Variants in FBLN5 observed in about 807,000 individuals in gnomAD.
The protein encoded by FBLN5 is fibulin 5, also known as fibulin-5.
A neutral mutation model predicts 61.6 loss-of-function variants in FBLN5; 24 were observed. That is an observed-to-expected ratio of 0.39 (90% CI 0.28 to 0.55). The LOEUF (loss-of-function observed/expected upper bound fraction) is 0.55. Ranked by LOEUF, FBLN5 falls within the 20% of genes least tolerant of loss-of-function variation. The pLI, the probability that FBLN5 is intolerant of heterozygous loss-of-function variation, is 0.65. For synonymous variants in FBLN5, 213 were observed against 219.8 expected, an observed-to-expected ratio of 0.97 and a Z score of 0.27; for missense variants, 470 against 594.1, an observed-to-expected ratio of 0.79 and a Z score of 2.17.
At chr14:91,936,904 C>T (rs1250287478) in intron 4 of FBLN5, 43 bp downstream of exon 4, 2 of 1,613,644 alleles carry the variant, frequency 1.2e-6, no homozygotes, top group Admixed American at 1.7e-5. Context: ...ACGATGTCTT[C>T]ACCAAAGCAC....
intron 4 of FBLN5, among the ~76,000 whole-genome samples, chr14:91,931,821 G>A (rs979032434): frequency 5.3e-5 from 8 of 152,270 alleles, no homozygotes; most frequent in African/African-American, 1.2e-4. Context: ...TCAGGGACCC[G>A]GTCTTAGAGG....
intron 9 of FBLN5, 75 bp downstream of exon 9, chr14:91,881,217 T>C: frequency 6.3e-7 from 1 of 1,578,700 alleles, no homozygotes; most frequent in South Asian, 1.1e-5. Context: ...TGCACTCTCT[T>C]TCACACCACA....
At chr14:91,914,247 G>A (rs1442295721) in intron 4 of FBLN5, among the ~76,000 whole-genome samples, 15 of 152,132 alleles carry the variant, frequency 9.9e-5, no homozygotes, top group Admixed American at 9.2e-4. Flanking sequence ...GGAGGCCGAG[G>A]CAGGCAGATC....
chr14:91,913,752 C>G (rs950307889), intron 4 of FBLN5, among the ~76,000 whole-genome samples: 2 of 152,120 alleles, frequency 1.3e-5, no homozygotes, highest in African/African-American at 4.8e-5. Flanking sequence ...TTGTGGATAC[C>G]AAAGTGAATA....
At chr14:91,938,418 G>A (rs1229520525) in intron 3 of FBLN5, 1 of 155,078 alleles carries the variant, frequency 6.4e-6, no homozygotes, top group Non-Finnish European at 1.4e-5. Flanking sequence ...TTGCGCCATT[G>A]CACTCCAGCC....
chr14:91,894,936 C>G lies in FBLN5; in HGVS notation c.502+14G>C. ...CTTCCAAGAGTCCCTGTGACCCCCC[C>G]AGAGAGCTGTTACCTAAGCACTGGC... On this transcript the variant is annotated intron_variant, in intron 5 of 10. Coordinates refer to ENST00000342058, the MANE Select transcript of FBLN5 (RefSeq NM_006329.4). 6.2e-7 allele frequency: 1 copy of G among 1,613,478 alleles called. No individual in the cohort carries two copies. Among genetic ancestry groups the G allele is most frequent in the South Asian group, 1.1e-5 (1 of 91,046 alleles).
At chr14:91,938,707 G>A (rs1018339085) in intron 3 of FBLN5, among the ~76,000 whole-genome samples, 9 of 152,160 alleles carry the variant, frequency 5.9e-5, no homozygotes, top group Non-Finnish European at 1.3e-4. Context: ...ACATGATCCC[G>A]TATACCGAGC....
chr14:91,880,670 C>T (rs1020760176), intron 9 of FBLN5, among the ~76,000 whole-genome samples: 41 of 152,082 alleles, frequency 2.7e-4, no homozygotes, highest in African/African-American at 8.5e-4. Context: ...GCCTCAGCCT[C>T]CTGAGTAGCT....
At chr14:91,925,010 C>G (rs2055804058) in intron 4 of FBLN5, among the ~76,000 whole-genome samples, 1 of 152,204 alleles carries the variant, frequency 6.6e-6, no homozygotes, top group Non-Finnish European at 1.5e-5. Flanking sequence ...AACCCCTCCT[C>G]CCATGGAAAC....
At chr14:91,917,457 T>C (rs1891240883) in intron 4 of FBLN5, among the ~76,000 whole-genome samples, 1 of 150,804 alleles carries the variant, frequency 6.6e-6, no homozygotes, top group African/African-American at 2.4e-5. Context: ...GCAACTGTAG[T>C]CCCAGCTACT....
At position 91,943,890 on chromosome 14, in the gene FBLN5, C is replaced by T. The variant is rs528249926; in HGVS notation, c.18-929G>A. On this transcript the variant is annotated intron_variant, in intron 1 of 10. Transcript: ENST00000342058. The surrounding 1 kb of genome is among the most constrained non-coding windows in gnomAD (Gnocchi z 4.0). ...CTGCACAGCCCAGGGAAAATGAAAC[C>T]CGCGGGAAAACAGGAGGAGGAGTCA... Among the ~76,000 whole-genome samples, 1 of 152,180 alleles carries T rather than the reference C, an allele frequency of 6.6e-6. No individual in the cohort carries two copies. Among genetic ancestry groups the T allele is most frequent in the African/African-American group, 2.4e-5 (1 of 41,436 alleles).
intron 1 of FBLN5, among the ~76,000 whole-genome samples, chr14:91,946,055 AGTTGAAAAG>A (rs937091628): frequency 1.3e-5 from 2 of 152,192 alleles, no homozygotes; most frequent in African/African-American, 4.8e-5. Context: ...TTCAAGAGCT[AGTTGAAAAG>A]GCATGCTAAC....
At chr14:91,917,106 A>G (rs1891226698) in intron 4 of FBLN5, among the ~76,000 whole-genome samples, 1 of 152,240 alleles carries the variant, frequency 6.6e-6, no homozygotes, top group Admixed American at 6.5e-5. Flanking sequence ...CTAGAAAGAC[A>G]TAAGCCTGGA....
chr14:91,911,191 G>A (rs1890915022), intron 4 of FBLN5, among the ~76,000 whole-genome samples: 1 of 152,002 alleles, frequency 6.6e-6, no homozygotes, highest in African/African-American at 2.4e-5. Context: ...CACCAGGTTG[G>A]CCAGGCTGGT....
rs1206778172 is a variant in FBLN5, at chr14:91,882,172, A to G, written c.863-754T>C. ...ACTCTGTCACAAAAAGAAAAAAAAG[A>G]AAGAAAGAAAAGAAAATATAGTAGT... is the stretch of plus-strand genomic sequence containing the variant. On this transcript the variant is annotated intron_variant, in intron 8 of 10. Transcript: ENST00000342058. The surrounding 1 kb of genome is among the most constrained non-coding windows in gnomAD (Gnocchi z 4.9). Among the ~76,000 whole-genome samples, 1 of 152,196 alleles carries G rather than the reference A, an allele frequency of 6.6e-6. No individual in the cohort carries two copies. Among genetic ancestry groups the G allele is most frequent in the East Asian group, 1.9e-4 (1 of 5,202 alleles).
chr14:91,946,699 A>C, intron 1 of FBLN5: 1 of 1,531,764 alleles, frequency 6.5e-7, no homozygotes, highest in East Asian at 2.4e-5. Flanking sequence ...GAATAGCAAA[A>C]CATTTGCTTA....
Position 91,936,956 on chromosome 14 carries a change from G to T in FBLN5, c.370C>A (p.Gln124Lys). ...AGGCCGGGCTACTCACCCACACATT[G>T]GTTGCTTTCATCCATCTGGTATCCA... ...RFGYQMDESN[Q>K]CVDVDECATD... The change falls in exon 4 of 11, where the codon CAA (glutamine) becomes AAA (lysine). Residue 124 changes from glutamine (Q) to lysine (K), a missense_variant. By Grantham distance (53) the Gln-to-Lys change is moderately conservative. Coordinates refer to ENST00000342058, the MANE Select transcript of FBLN5 (RefSeq NM_006329.4). 2 of 1,614,190 alleles carry T rather than the reference G, an allele frequency of 1.2e-6. No homozygotes were observed. Among genetic ancestry groups the T allele is most frequent in the Non-Finnish European group, 1.7e-6 (2 of 1,180,038 alleles).
Position 91,882,831 on chromosome 14 carries a change from C to A in FBLN5, c.862+123G>T. 1 of 1,154,846 alleles carries A rather than the reference C, an allele frequency of 8.7e-7. No individual in the cohort carries two copies. 71.5% of individuals were successfully genotyped at this position (1,154,846 alleles called of 1,614,324 possible). A position where few individuals can be genotyped will look rare whatever the true frequency, so the allele number is the denominator to read the frequency against. The stretch of plus-strand genomic sequence containing the variant: ...TGAGAGCCACCAGCACCCACTCACA[C>A]CCCCACCCCTGCCACCTTCCCAAAG... On this transcript the variant is annotated intron_variant, in intron 8 of 10. Coordinates refer to ENST00000342058, the MANE Select transcript of FBLN5 (RefSeq NM_006329.4). This position sits in a 1 kb window ranked among gnomAD's most constrained non-coding sequence, Gnocchi z 4.9.
Position 91,889,480 on chromosome 14 carries a change from C to A in FBLN5, c.619+1741G>T, listed in dbSNP as rs1889887034. On this transcript the variant is annotated intron_variant, in intron 6 of 10. Coordinates refer to ENST00000342058, the MANE Select transcript of FBLN5 (RefSeq NM_006329.4). ...CAACCTGTTGGACAAGAAGTCTGGG[C>A]CCCTGGTTTTACTCTCAGATCTGCT... Among the ~76,000 whole-genome samples, 3 of 152,244 alleles carry A rather than the reference C, an allele frequency of 2.0e-5. No individual in the cohort carries two copies. In the South Asian group the frequency reaches 6.2e-4, roughly 31 times the overall value.
Sources: gnomAD v4.1 joint callset for allele counts (sites outside exome capture counted in the v4.1 genomes callset) on GRCh38, gnomAD v4.1.1 for gene constraint, Gnocchi (gnomAD v3.1) non-coding constraint, MANE v1.5 for transcripts, NCBI Gene and HGNC (gene_info 2026-07-23, HGNC 2026-07-21) for gene names.